RAB22A: variants seen among roughly 807,000 people sequenced by gnomAD.
The protein encoded by RAB22A is ras-related protein Rab-22A.
Under a neutral mutation model 30.2 loss-of-function variants are expected in RAB22A, and 13 were observed. The ratio of observed to expected loss-of-function variants is 0.43; its 90% CI spans 0.28 to 0.68. RAB22A has a LOEUF of 0.68. RAB22A is among the 30% of genes least tolerant of loss of function. The pLI, the probability that RAB22A is intolerant of heterozygous loss-of-function variation, is 0.18. For synonymous variants in RAB22A, 89 were observed against 87.2 expected, an observed-to-expected ratio of 1.02 and a Z score of -0.11; for missense variants, 177 against 246.8, an observed-to-expected ratio of 0.72 and a Z score of 1.89.
chr20:58,315,952 C>T (rs1348252312), intron 2 of RAB22A, among the ~76,000 whole-genome samples: 1 of 152,132 alleles, frequency 6.6e-6, no homozygotes, highest in Non-Finnish European at 1.5e-5. Flanking sequence ...CTAGCCCGGG[C>T]CCAGCCTCAT....
chr20:58,341,791 A>T (rs1010841539), intron 2 of RAB22A, among the ~76,000 whole-genome samples: 1 of 152,190 alleles, frequency 6.6e-6, no homozygotes, highest in Non-Finnish European at 1.5e-5. Flanking sequence ...ATCCTGTCAT[A>T]ATTATTGTGT....
chr20:58,336,998 C>A (rs993818975), intron 2 of RAB22A, among the ~76,000 whole-genome samples: 1 of 152,174 alleles, frequency 6.6e-6, no homozygotes, highest in African/African-American at 2.4e-5. Context: ...CCTGGGGGTC[C>A]TCGCCCATCT....
intron 2 of RAB22A, among the ~76,000 whole-genome samples, chr20:58,327,620 G>A (rs1986590694): frequency 6.6e-6 from 1 of 152,170 alleles, no homozygotes; most frequent in Admixed American, 6.5e-5. Context: ...CATGGCTTCT[G>A]TTCAGAAGGG....
rs1190779690 is a variant in RAB22A at position 58,366,801 on chromosome 20, GT to G, written c.*7100del. ...TTGTTTTACCATTGGTAATAAGATA[GT>G]TAACATAAGTGGTCAGAACTTCGCT... On this transcript the variant is annotated 3_prime_UTR_variant, in exon 7 of 7. Coordinates refer to ENST00000244040, the MANE Select transcript of RAB22A (RefSeq NM_020673.3). The G allele has an allele frequency of 1.3e-5, 2 of 152,260 alleles. No individual in the cohort carries two copies. The highest frequency in any genetic ancestry group is 2.4e-5 in the African/African-American group (1 of 41,430). 9.4% of individuals were successfully genotyped at this position (152,260 alleles called of 1,614,324 possible).
Position 58,361,094 on chromosome 20 carries a change from T to A in RAB22A, c.*1391T>A, listed in dbSNP as rs1283268706. On this transcript the variant is annotated 3_prime_UTR_variant, in exon 7 of 7. Coordinates refer to ENST00000244040, the MANE Select transcript of RAB22A (RefSeq NM_020673.3). ...TTCCCTCAGGGAGCCTAATGAGGTT[T>A]TTAATATCATCTAAAAATAAAGCAT... is the stretch of plus-strand genomic sequence containing the variant. 1 of 152,672 alleles carries A rather than the reference T, an allele frequency of 6.5e-6. No individual in the cohort carries two copies. The highest frequency in any genetic ancestry group is 1.5e-5 in the Non-Finnish European group (1 of 68,040). The allele number at this position is 152,672 out of a possible 1,614,324, so 9.5% of individuals were successfully genotyped here.
At chr20:58,316,530 C>G (rs191642712) in intron 2 of RAB22A, among the ~76,000 whole-genome samples, 3 of 152,154 alleles carry the variant, frequency 2.0e-5, no homozygotes, top group Non-Finnish European at 4.4e-5. Context: ...ACTACACATA[C>G]GCTGTAAGAA....
rs370323581 is a variant in RAB22A, at chr20:58,344,301, G to T, written c.198+502G>T. Among the ~76,000 whole-genome samples, 21 of 152,336 alleles carry T rather than the reference G, an allele frequency of 1.4e-4. No homozygotes were observed. The East Asian group carries it at 3.1e-3, about 22-fold the overall frequency. Reference sequence around the variant, plus strand: ...CCTGATGACAAAATTGGCCACAATGGTTATCTGCTTAAGGAAGAGCCTGAA... The same window carrying T: ...CCTGATGACAAAATTGGCCACAATGTTTATCTGCTTAAGGAAGAGCCTGAA... On this transcript the variant is annotated intron_variant, in intron 3 of 6. Coordinates refer to ENST00000244040, the MANE Select transcript of RAB22A (RefSeq NM_020673.3).
chr20:58,329,319 C>T (rs1424983343), intron 2 of RAB22A, among the ~76,000 whole-genome samples: 1 of 152,172 alleles, frequency 6.6e-6, no homozygotes, highest in Non-Finnish European at 1.5e-5. Flanking sequence ...TCCCAAAGTG[C>T]TGGGATTACA....
chr20:58,329,879 C>G (rs1257421997), intron 2 of RAB22A, among the ~76,000 whole-genome samples: 1 of 152,162 alleles, frequency 6.6e-6, no homozygotes, highest in African/African-American at 2.4e-5. Flanking sequence ...GTCTCCAAAT[C>G]TGTTGGCCCT....
rs1987240116 is a variant in RAB22A, at chr20:58,362,298, G to A, written c.*2595G>A. On this transcript the variant is annotated 3_prime_UTR_variant, in exon 7 of 7. Coordinates refer to ENST00000244040, the MANE Select transcript of RAB22A (RefSeq NM_020673.3). ...AAGATGAATACTAAAGTCAGAAGCA[G>A]TGTTTCATTTTGAACACATTTTGGA... 1 of 152,212 alleles carries A rather than the reference G, an allele frequency of 6.6e-6. No homozygotes were observed. Among genetic ancestry groups the A allele is most frequent in the Non-Finnish European group, 1.5e-5 (1 of 68,032 alleles). The allele number at this position is 152,212 out of a possible 1,614,324, so 9.4% of individuals were successfully genotyped here.
chr20:58,355,799 T>G (rs1987120430), intron 6 of RAB22A, among the ~76,000 whole-genome samples: 1 of 152,162 alleles, frequency 6.6e-6, no homozygotes, highest in Admixed American at 6.5e-5. Context: ...CACTTCAGCT[T>G]AGGTGACAGA....
chr20:58,327,171 AT>A lies in RAB22A; in HGVS notation c.116+16055del, dbSNP rs529910606. ...AATAGGTCTTGAATTTTGTCTTGAT[AT>A]TTTTTGCATCTATTTAGATTATTTT... On this transcript the variant is annotated intron_variant, in intron 2 of 6. Coordinates refer to ENST00000244040, the MANE Select transcript of RAB22A (RefSeq NM_020673.3). Among the ~76,000 whole-genome samples the A allele has an allele frequency of 3.1e-3, 467 of 152,282 alleles. 1 individual carries two copies. The highest frequency in any genetic ancestry group is 5.5e-3 in the Non-Finnish European group (374 of 68,018).
rs1986181360 is a variant in RAB22A at position 58,309,782 on chromosome 20, G to C, written c.-195G>C. On this transcript the variant is annotated 5_prime_UTR_variant, in exon 1 of 7. Transcript: ENST00000244040. Reference sequence around the variant, plus strand: ...CCCGGAAGGCCGCGGCGGCGTCCCGGCTGCTAAGGCGGGCCCCACGCGGCT... The same window carrying C: ...CCCGGAAGGCCGCGGCGGCGTCCCGCCTGCTAAGGCGGGCCCCACGCGGCT... The C allele has an allele frequency of 7.7e-6, 3 of 389,188 alleles. No homozygotes were observed. In the East Asian group the frequency reaches 1.4e-4, roughly 18 times the overall value. 24.1% of individuals were successfully genotyped at this position (389,188 alleles called of 1,614,324 possible).
chr20:58,358,895 CAAAA>C (rs1181619167), intron 6 of RAB22A, among the ~76,000 whole-genome samples: 4 of 92,274 alleles, frequency 4.3e-5, no homozygotes, highest in African/African-American at 3.9e-5. Flanking sequence ...TAGCCTGTCT[CAAAA>C]AAAAAAAAAA....
chr20:58,358,272 G>A (rs1987165404), intron 6 of RAB22A, among the ~76,000 whole-genome samples: 1 of 152,164 alleles, frequency 6.6e-6, no homozygotes, highest in Non-Finnish European at 1.5e-5. Context: ...ATGCATTGTT[G>A]GTAGGAGAAT....
intron 2 of RAB22A, among the ~76,000 whole-genome samples, chr20:58,328,743 G>A (rs1319281711): frequency 2.6e-5 from 4 of 151,926 alleles, no homozygotes; most frequent in Non-Finnish European, 4.4e-5. Context: ...CACTGCTCTG[G>A]GCACCATGGC....
rs1349414367 is a variant in RAB22A, at chr20:58,365,542, A to T, written c.*5839A>T. ...CTTACCTTGTATATGAACTTATGACATTAGAGTTTGTGAAACTGTCTTAAC... is the reference window on the plus strand; with the variant it reads ...CTTACCTTGTATATGAACTTATGACTTTAGAGTTTGTGAAACTGTCTTAAC... On this transcript the variant is annotated 3_prime_UTR_variant, in exon 7 of 7. Transcript: ENST00000244040. 2.0e-5 allele frequency: 3 copies of T among 152,278 alleles called. No individual in the cohort carries two copies. Among genetic ancestry groups the T allele is most frequent in the Admixed American group, 2.0e-4 (3 of 15,292 alleles). The allele number at this position is 152,278 out of a possible 1,614,324, so 9.4% of individuals were successfully genotyped here.
intron 2 of RAB22A, among the ~76,000 whole-genome samples, chr20:58,340,760 CAA>C (rs765704309): frequency 2.0e-5 from 3 of 152,138 alleles, no homozygotes; most frequent in Non-Finnish European, 2.9e-5. Context: ...GCTCTAAAGA[CAA>C]AGTGCAGTGG....
intron 2 of RAB22A, among the ~76,000 whole-genome samples, chr20:58,329,105 G>A (rs1355922150): frequency 1.3e-5 from 2 of 150,002 alleles, no homozygotes; most frequent in Non-Finnish European, 2.9e-5. Context: ...CCAGGCTGGA[G>A]TGCAGTGGCG....
Sources: allele counts gnomAD v4.1 joint callset (sites outside exome capture counted in the v4.1 genomes callset), GRCh38; gene constraint gnomAD v4.1.1; transcripts MANE v1.5; gene names NCBI Gene and HGNC (gene_info 2026-07-23, HGNC 2026-07-21).